GSE1: variants seen among roughly 807,000 people sequenced by gnomAD.
GSE1 encodes the protein Gse1 coiled-coil protein.
A neutral mutation model predicts 112.6 loss-of-function variants in GSE1; 32 were observed. The ratio of observed to expected loss-of-function variants is 0.28; its 90% CI spans 0.21 to 0.38. GSE1 has a LOEUF of 0.38. GSE1 is among the 10% of genes least tolerant of loss of function. The pLI is 1.00. For synonymous variants in GSE1, 1,115 were observed against 735.6 expected (o/e 1.52, Z -8.35); for missense variants, 2,348 against 1,699.2 (o/e 1.38, Z -6.71).
intron 1 of GSE1, among the ~76,000 whole-genome samples, chr16:85,590,366 T>C: frequency 6.8e-6 from 1 of 146,318 alleles, no homozygotes; most frequent in South Asian, 2.2e-4. Flanking sequence ...TGTGAATGAG[T>C]GTGAGTGTGT....
intron 2 of GSE1, among the ~76,000 whole-genome samples, chr16:85,545,944 G>A (rs528378775): frequency 4.0e-4 from 61 of 151,076 alleles, no homozygotes; most frequent in African/African-American, 1.3e-3. Flanking sequence ...CACCACACTC[G>A]GCTAATTGTT....
At chr16:85,218,459 C>A (rs576531441) in intron 1 of GSE1, among the ~76,000 whole-genome samples, 1 of 152,284 alleles carries the variant, frequency 6.6e-6, no homozygotes, top group South Asian at 2.1e-4. Context: ...TGGAGACCTG[C>A]GGAGTGCCAG....
chr16:85,669,733 T>C (rs2053173581), intron 14 of GSE1, among the ~76,000 whole-genome samples: 1 of 152,234 alleles, frequency 6.6e-6, no homozygotes, highest in African/African-American at 2.4e-5. Context: ...TTCTGTGAGT[T>C]TGGCTTTTTC....
intron 2 of GSE1, among the ~76,000 whole-genome samples, chr16:85,380,169 A>T (rs559862587): frequency 6.6e-6 from 1 of 152,350 alleles, no homozygotes; most frequent in East Asian, 1.9e-4. Flanking sequence ...CATCAAGTCC[A>T]GCTGGGCGGG....
At chr16:85,382,883 C>A (rs539247502) in intron 2 of GSE1, among the ~76,000 whole-genome samples, 1 of 149,038 alleles carries the variant, frequency 6.7e-6, no homozygotes, top group African/African-American at 2.6e-5. Flanking sequence ...GCACACACAC[C>A]GTGCACACAC....
At chr16:85,468,719 A>G (rs554227138) in intron 2 of GSE1, among the ~76,000 whole-genome samples, 2 of 152,280 alleles carry the variant, frequency 1.3e-5, no homozygotes, top group East Asian at 3.9e-4. Flanking sequence ...GCCTGGAGCC[A>G]CGCAGAACAG....
rs944664616 is a variant in GSE1, at chr16:85,353,881, G to A, written c.2284-3582G>A. On this transcript the variant is annotated intron_variant, in intron 1 of 2. Coordinates refer to the GSE1 transcript ENST00000637419. ...GTTCCAACCTCCTGTCCTAGACCAC[G>A]AGCCCCTTGAGGAAGAGCAGGAGCC... 4.6e-5 allele frequency among the ~76,000 whole-genome samples: 7 copies of A among 152,324 alleles called. No individual in the cohort carries two copies. The South Asian group carries it at 8.3e-4, about 18-fold the overall frequency.
intron 2 of GSE1, among the ~76,000 whole-genome samples, chr16:85,486,584 G>C (rs1221723564): frequency 6.6e-6 from 1 of 152,222 alleles, no homozygotes; most frequent in African/African-American, 2.4e-5. Flanking sequence ...ACCGTCCACG[G>C]CTCCTGTGGT....
At chr16:85,630,968 C>T (rs942292453) in intron 1 of GSE1, among the ~76,000 whole-genome samples, 28 of 152,152 alleles carry the variant, frequency 1.8e-4, no homozygotes, top group South Asian at 1.4e-3. Flanking sequence ...GAGAGGTGCC[C>T]GACTGGTCTG....
chr16:85,657,619 G>C lies in GSE1; in HGVS notation c.1640+15G>C. ...AGCACCACCAGGTGAGTGAGCCCCA[G>C]GAAGGAAGGAGGGATGAGCCTTCAC... On this transcript the variant is annotated intron_variant, in intron 8 of 15. Coordinates refer to ENST00000253458, the MANE Select transcript of GSE1 (RefSeq NM_014615.5). 2 of 1,489,532 alleles carry C rather than the reference G, an allele frequency of 1.3e-6. No individual in the cohort carries two copies. The highest frequency in any genetic ancestry group is 2.7e-5 in the South Asian group (2 of 73,022). 92.3% of individuals were successfully genotyped at this position (1,489,532 alleles called of 1,614,324 possible).
intron 2 of GSE1, among the ~76,000 whole-genome samples, chr16:85,433,006 T>C (rs1360512214): frequency 6.6e-6 from 1 of 151,960 alleles, no homozygotes; most frequent in Non-Finnish European, 1.5e-5. Context: ...TTTTATCTTG[T>C]GCTTTTTCAG....
chr16:85,462,852 C>A (rs1329999319), intron 2 of GSE1, among the ~76,000 whole-genome samples: 1 of 146,976 alleles, frequency 6.8e-6, no homozygotes, highest in Non-Finnish European at 1.5e-5. Context: ...CCCCCAGGCG[C>A]CCCGGCCCCT....
At chr16:85,192,385 A>C (rs1233512384) in intron 1 of GSE1, among the ~76,000 whole-genome samples, 1 of 152,220 alleles carries the variant, frequency 6.6e-6, no homozygotes, top group Non-Finnish European at 1.5e-5. Context: ...GGTTGTTTCA[A>C]AGGTTAAGCA....
rs76027432 is a variant in GSE1 at position 85,279,189 on chromosome 16, G to C, written c.2284-78274G>C. Among the ~76,000 whole-genome samples the C allele has an allele frequency of 2.2e-3, 342 of 152,302 alleles. 3 individuals carry two copies. In the East Asian group the frequency reaches 0.046, roughly 20 times the overall value. ...TACAGGGCGATAAAATAGTGGGGAG[G>C]GGGGAGGAGGATGCTTCAGGCCAAG... On this transcript the variant is annotated intron_variant, in intron 1 of 2. Transcript: ENST00000637419.
intron 2 of GSE1, among the ~76,000 whole-genome samples, chr16:85,447,765 G>T (rs954624494): frequency 2.0e-5 from 3 of 152,238 alleles, no homozygotes; most frequent in Admixed American, 6.5e-5. Context: ...GGCTTCCAAA[G>T]GGAGCAGCCA....
chr16:85,652,493 C>T (rs554611712), intron 3 of GSE1, among the ~76,000 whole-genome samples: 8 of 152,162 alleles, frequency 5.3e-5, no homozygotes, highest in East Asian at 1.9e-4. Context: ...GAAGGGGGGC[C>T]GGGGCTCAGC....
At chr16:85,552,311 C>G (rs920770929), upstream of GSE1, among the ~76,000 whole-genome samples, 1 of 121,600 alleles carries the variant, frequency 8.2e-6, no homozygotes, top group African/African-American at 2.8e-5. Flanking sequence ...AGGCGTGAAC[C>G]ACCGCACCCG....
In GSE1 at chr16:85,671,089, C is replaced by T; in HGVS notation, c.3510C>T (p.His1170=). 6.3e-7 allele frequency: 1 copy of T among 1,598,836 alleles called. No homozygotes were observed. Residue 1170 remains histidine (H), a synonymous_variant, in exon 15 of 16, where the codon CAC becomes CAT. Coordinates refer to ENST00000253458, the MANE Select transcript of GSE1 (RefSeq NM_014615.5). The stretch of plus-strand genomic sequence containing the variant: ...GCCTGACGGCAGAGCAGCTCTCCCA[C>T]AGCGTGGCGGTGAGTTGGGAAGGGA... ...SLSLTAEQLS[H]SVAELRSQKQ...
At chr16:85,634,205 G>A (rs555784895) in intron 2 of GSE1, 73 bp downstream of exon 2, 10 of 1,047,178 alleles carry the variant, frequency 9.5e-6, no homozygotes, top group East Asian at 3.1e-5. Context: ...TCCCGCCTGC[G>A]GCGTGCACGC....
Sources: allele counts gnomAD v4.1 joint callset (sites outside exome capture counted in the v4.1 genomes callset), GRCh38; gene constraint gnomAD v4.1.1; transcripts MANE v1.5; gene names NCBI Gene and HGNC (gene_info 2026-07-23, HGNC 2026-07-21).